RPL32: variants seen among roughly 807,000 people sequenced by gnomAD.
RPL32 encodes large ribosomal subunit protein eL32.
For synonymous variants in RPL32, 61 were observed against 62.6 expected, an observed-to-expected ratio of 0.98 and a Z score of 0.12; for missense variants, 117 against 173.7, an observed-to-expected ratio of 0.67 and a Z score of 1.83.
rs2062093175 is a variant in RPL32, at chr3:12,835,568, A to C, written c.*526T>G. 1 of 156,446 alleles carries C rather than the reference A, an allele frequency of 6.4e-6. No homozygotes were observed. The allele number at this position is 156,446 out of a possible 1,614,324, so 9.7% of individuals were successfully genotyped here. ...GAGACTGAAAGTGCTTTTCCAGTTA[A>C]CCGTGGTGGATTACCTGGAAGAGCA... On this transcript the variant is annotated 3_prime_UTR_variant, in exon 4 of 4. Transcript: ENST00000429711.
In RPL32 at chr3:12,834,716, G is replaced by A. The variant is rs1430387966; in HGVS notation, c.*1378C>T. The A allele has an allele frequency of 3.9e-5, 6 of 152,280 alleles. No homozygotes were observed. Among genetic ancestry groups the A allele is most frequent in the Admixed American group, 2.0e-4 (3 of 15,292 alleles). 9.4% of individuals were successfully genotyped at this position (152,280 alleles called of 1,614,324 possible). On this transcript the variant is annotated 3_prime_UTR_variant, in exon 4 of 4. Transcript: ENST00000429711. ...GAGGAAGGTTTCAAATGTGTCTAGTGTTCAGTATTGAGGACAAAGAAATAC... is the reference window on the plus strand; with the variant it reads ...GAGGAAGGTTTCAAATGTGTCTAGTATTCAGTATTGAGGACAAAGAAATAC...
At chr3:12,839,301 A>G in intron 3 of RPL32, 48 bp downstream of exon 3, 1 of 1,568,848 alleles carries the variant, frequency 6.4e-7, no homozygotes, top group Non-Finnish European at 8.8e-7. Context: ...GTGCTCACAC[A>G]GATGCAAACT....
In RPL32 at chr3:12,837,205, CT is replaced by C. The variant is rs1195247884; in HGVS notation, c.279-983del. 2.0e-5 allele frequency among the ~76,000 whole-genome samples: 3 copies of C among 152,166 alleles called. No homozygotes were observed. The East Asian group carries it at 5.8e-4, about 29-fold the overall frequency. On this transcript the variant is annotated intron_variant, in intron 3 of 3. Transcript: ENST00000429711. ...ACCCACCATTTTAAATGTGTCCCCC[CT>C]GGCTTGGGCATTTTCCACACTACAA...
chr3:12,837,774 G>C (rs1004263304), intron 3 of RPL32, among the ~76,000 whole-genome samples: 2 of 152,168 alleles, frequency 1.3e-5, no homozygotes, highest in Non-Finnish European at 2.9e-5. Context: ...GTTCTTTCTA[G>C]TTTACTTAGG....
At chr3:12,839,638 GT>G (rs1441849665) in intron 2 of RPL32, 108 bp from the exon 3 acceptor site, 1 of 1,084,266 alleles carries the variant, frequency 9.2e-7, no homozygotes, top group Non-Finnish European at 1.4e-6. Context: ...CCACACAGTA[GT>G]TGCCTTTGGT....
chr3:12,835,600 A>G lies in RPL32; in HGVS notation c.*494T>C, dbSNP rs754133901. ...TGGATTACCTGGAAGAGCAATTTGT[A>G]CATCATCCTGTTCTTTTTGGACAGA... is the stretch of plus-strand genomic sequence containing the variant. On this transcript the variant is annotated 3_prime_UTR_variant, in exon 4 of 4. Coordinates refer to ENST00000429711, the MANE Select transcript of RPL32 (RefSeq NM_000994.4). 24 of 158,946 alleles carry G rather than the reference A, an allele frequency of 1.5e-4. No individual in the cohort carries two copies. Among genetic ancestry groups the G allele is most frequent in the Non-Finnish European group, 3.1e-4 (22 of 72,032 alleles). 9.8% of individuals were successfully genotyped at this position (158,946 alleles called of 1,614,324 possible). A position where few individuals can be genotyped will look rare whatever the true frequency, so the allele number is the denominator to read the frequency against.
chr3:12,837,918 C>G (rs2062112231), intron 3 of RPL32, among the ~76,000 whole-genome samples: 1 of 152,166 alleles, frequency 6.6e-6, no homozygotes, highest in Non-Finnish European at 1.5e-5. Flanking sequence ...CAAAGCTCAC[C>G]AAGTGTCTAA....
At chr3:12,838,508 T>C (rs913466881) in intron 3 of RPL32, among the ~76,000 whole-genome samples, 3 of 144,486 alleles carry the variant, frequency 2.1e-5, no homozygotes, top group Non-Finnish European at 3.0e-5. Flanking sequence ...GCCTGCCAAG[T>C]TTCCTCCTGT....
chr3:12,838,935 G>A, intron 3 of RPL32: 1 of 263,184 alleles, frequency 3.8e-6, no homozygotes, highest in Non-Finnish European at 7.4e-6. Flanking sequence ...CAAGGGCTGT[G>A]TCACGGGCCA....
intron 1 of RPL32, chr3:12,841,159 A>C (rs2062149696): frequency 1.3e-5 from 2 of 152,358 alleles, no homozygotes; most frequent in Admixed American, 1.3e-4. Context: ...GAGCGCTGGG[A>C]TCCACAGATC....
At chr3:12,838,719 C>T (rs548468709) in intron 3 of RPL32, among the ~76,000 whole-genome samples, 26 of 152,264 alleles carry the variant, frequency 1.7e-4, no homozygotes, top group African/African-American at 6.3e-4. Flanking sequence ...TTTCCACAAC[C>T]TCTTACTGTA....
chr3:12,836,128 G>C lies in RPL32; in HGVS notation c.374C>G (p.Pro125Arg). 6.2e-7 allele frequency: 1 copy of C among 1,609,662 alleles called. No individual in the cohort carries two copies. The highest frequency in any genetic ancestry group is 1.1e-5 in the South Asian group (1 of 91,080). ...TTCTTCACTGCGCAGCCTGGCATTG[G>C]GGTTGGTGACTCTGATGGCCAGTTG... ...AAQLAIRVTN[P>R]NARLRSEENE is the part of the protein sequence containing the mutation. Residue 125 changes from proline (P) to arginine (R), a missense_variant, in exon 4 of 4, where the codon CCC becomes CGC. Transcript: ENST00000429711.
At position 12,834,846 on chromosome 3, in the gene RPL32, C is replaced by T. The variant is rs1361815503; in HGVS notation, c.*1248G>A. ...ACTCGTCTCCAATTGTTAATCGAAT[C>T]GCCTGAACCCAGGAGGCAGAAGTTG... On this transcript the variant is annotated 3_prime_UTR_variant, in exon 4 of 4. Transcript: ENST00000429711. 3.9e-5 allele frequency: 6 copies of T among 152,156 alleles called. No homozygotes were observed. Among genetic ancestry groups the T allele is most frequent in the East Asian group, 1.9e-4 (1 of 5,194 alleles). The allele number at this position is 152,156 out of a possible 1,614,324, so 9.4% of individuals were successfully genotyped here.
chr3:12,839,204 GCAAGGAACAA>G, intron 3 of RPL32, 135 bp downstream of exon 3: 1 of 723,384 alleles, frequency 1.4e-6, no homozygotes, highest in Non-Finnish European at 2.4e-6. Flanking sequence ...CTAAAATCCT[GCAAGGAACAA>G]CTTCTGATTC....
chr3:12,836,291 G>A (rs1420245168), intron 3 of RPL32, 68 bp from the exon 4 acceptor site: 3 of 1,583,812 alleles, frequency 1.9e-6, no homozygotes, highest in Middle Eastern at 1.7e-4. Context: ...CCATTGGAGA[G>A]GCAATGAGTC....
At chr3:12,838,336 GT>G (rs747652695) in intron 3 of RPL32, among the ~76,000 whole-genome samples, 3 of 152,176 alleles carry the variant, frequency 2.0e-5, no homozygotes, top group Non-Finnish European at 4.4e-5. Flanking sequence ...AAACTGGGCG[GT>G]GGAGGTTGCA....
At position 12,840,086 on chromosome 3, in the gene RPL32, A is replaced by G. The variant is rs2062136122; in HGVS notation, c.96+56T>C. ...TAATCCTGACTAGGTGATGTCAGAAACTGTTGGAAACTCTTTTCTTCACCC... is the reference window on the plus strand; with the variant it reads ...TAATCCTGACTAGGTGATGTCAGAAGCTGTTGGAAACTCTTTTCTTCACCC... On this transcript the variant is annotated intron_variant, in intron 2 of 3. Transcript: ENST00000429711. 5 of 1,327,648 alleles carry G rather than the reference A, an allele frequency of 3.8e-6. No individual in the cohort carries two copies. In the South Asian group the frequency reaches 5.9e-5, roughly 16 times the overall value. The allele number at this position is 1,327,648 out of a possible 1,614,324, so 82.2% of individuals were successfully genotyped here.
At position 12,836,155 on chromosome 3, in the gene RPL32, G is replaced by A. The variant is rs753781329; in HGVS notation, c.347C>T (p.Ala116Val). 9 of 1,606,534 alleles carry A rather than the reference G, an allele frequency of 5.6e-6. No homozygotes were observed. In the Admixed American group the frequency reaches 1.0e-4, roughly 18 times the overall value. Residue 116 changes from alanine (A) to valine (V), a missense_variant, in exon 4 of 4, where the codon GCC (alanine) becomes GTC (valine). By Grantham distance (64) the Ala-to-Val change is moderately conservative. Coordinates refer to ENST00000429711, the MANE Select transcript of RPL32 (RefSeq NM_000994.4). Reference sequence around the variant, plus strand: ...GTTGGTGACTCTGATGGCCAGTTGGGCAGCTCTTTCCACGATGGCTTTGCG... The same window carrying A: ...GTTGGTGACTCTGATGGCCAGTTGGACAGCTCTTTCCACGATGGCTTTGCG... Reference protein sequence around the residue: ...KNRKAIVERAAQLAIRVTNPN... With the variant: ...KNRKAIVERAVQLAIRVTNPN...
chr3:12,840,282 G>T lies in RPL32; in HGVS notation c.-5-40C>A, dbSNP rs748010245. 4.9e-6 allele frequency: 7 copies of T among 1,426,752 alleles called. No homozygotes were observed. In the Admixed American group the frequency reaches 1.0e-4, roughly 20 times the overall value. The allele number at this position is 1,426,752 out of a possible 1,614,324, so 88.4% of individuals were successfully genotyped here. On this transcript the variant is annotated intron_variant, in intron 1 of 3. Coordinates refer to ENST00000429711, the MANE Select transcript of RPL32 (RefSeq NM_000994.4). ...GCGGCCCCAGGTGAGGAAGAATCCT[G>T]GAAGGAGGCTTTCCTGCCCAGGGAC... is the stretch of plus-strand genomic sequence containing the variant.
Sources: allele counts gnomAD v4.1 joint callset (sites outside exome capture counted in the v4.1 genomes callset), GRCh38; gene constraint gnomAD v4.1.1; transcripts MANE v1.5; gene names NCBI Gene and HGNC (gene_info 2026-07-23, HGNC 2026-07-21).